Variants in CD300LG observed in about 807,000 individuals in gnomAD.
CD300LG encodes CD300 molecule like family member g.
In CD300LG, 29 loss-of-function variants were observed where a neutral mutation model predicts 31.5. The ratio of observed to expected loss-of-function variants is 0.92; its 90% confidence interval spans 0.68 to 1.25. The LOEUF is 1.25. Among genes scored for constraint, CD300LG ranks in the 50% most tolerant of loss-of-function variants. The pLI, the probability that CD300LG is intolerant of heterozygous loss-of-function variation, is 0.00. For synonymous variants in CD300LG, 175 were observed against 177.2 expected (o/e 0.99, Z 0.10); for missense variants, 396 against 417.6 (o/e 0.95, Z 0.45).
rs1373386414 is a variant in CD300LG, at chr17:43,849,290, C to A, written c.379+397C>A. 2.1e-5 allele frequency: 7 copies of A among 326,502 alleles called. No homozygotes were observed. In the South Asian group the frequency reaches 2.8e-4, roughly 13 times the overall value. The allele number at this position is 326,502 out of a possible 1,614,324, so 20.2% of individuals were successfully genotyped here. ...TGAGGCCTCCCGAGGCTGGGCCAAC[C>A]ATTGCTGCATTCCAGACCCAGCCCA... On this transcript the variant is annotated intron_variant, in intron 2 of 6. Coordinates refer to ENST00000317310, the MANE Select transcript of CD300LG (RefSeq NM_145273.4).
intron 2 of CD300LG, chr17:43,849,981 G>A (rs1408778106): frequency 6.6e-6 from 1 of 152,104 alleles, no homozygotes; most frequent in East Asian, 1.9e-4. Flanking sequence ...ATTCTTATCA[G>A]TGTTCACATG....
chr17:43,855,155 G>C, intron 4 of CD300LG, 52 bp from the exon 5 acceptor site: 2 of 1,299,028 alleles, frequency 1.5e-6, no homozygotes, highest in Non-Finnish European at 2.1e-6. Context: ...AAAGGACATA[G>C]ACTCTGGCTT....
chr17:43,861,402 C>A, intron 6 of CD300LG: 1 of 532,520 alleles, frequency 1.9e-6, no homozygotes, highest in Non-Finnish European at 2.4e-6. Flanking sequence ...CTTCCCCATT[C>A]ACAGCCATAG....
Position 43,857,685 on chromosome 17 carries a change from TG to T in CD300LG, c.885+530del. On this transcript the variant is annotated intron_variant, in intron 6 of 6. Transcript: ENST00000317310. The stretch of plus-strand genomic sequence containing the variant: ...AGTGTGCTTTTACAAAAGATGAGAC[TG>T]AGGCCCAGAGAGGGTAAAGGTCTTG... 3.1e-6 allele frequency: 4 copies of T among 1,283,806 alleles called. No homozygotes were observed. In the East Asian group the frequency reaches 7.6e-5, roughly 24 times the overall value. 79.5% of individuals were successfully genotyped at this position (1,283,806 alleles called of 1,614,324 possible).
chr17:43,861,910 A>T lies in CD300LG; in HGVS notation c.998A>T (p.Ter333LeuextTer11), dbSNP rs151016843. Residue 333 changes from the stop codon to leucine (L), a stop_lost, in exon 7 of 7, where the codon TAG becomes TTG. Transcript: ENST00000317310. ...ELGFSKFVSA[*>L] Reference sequence around the variant, plus strand: ...GGCTTCTCGAAGTTTGTCTCAGCGTAGGGCAGGAGGCCCTCCTGGCCAGGC... The same window carrying T: ...GGCTTCTCGAAGTTTGTCTCAGCGTTGGGCAGGAGGCCCTCCTGGCCAGGC... 6.2e-7 allele frequency: 1 copy of T among 1,604,128 alleles called. No individual in the cohort carries two copies. The highest frequency in any genetic ancestry group is 8.5e-7 in the Non-Finnish European group (1 of 1,175,586).
At chr17:43,849,223 A>AGG (rs2046279319) in intron 2 of CD300LG, 1 of 473,858 alleles carries the variant, frequency 2.1e-6, no homozygotes, top group African/African-American at 1.9e-5. Context: ...TAGACATATC[A>AGG]GGGGATAAAG....
intron 5 of CD300LG, 61 bp from the exon 6 acceptor site, chr17:43,857,043 C>G: frequency 2.6e-6 from 4 of 1,565,304 alleles, no homozygotes; most frequent in Non-Finnish European, 3.5e-6. Flanking sequence ...CTGGGAGCAG[C>G]TACAGGCCAC....
intron 6 of CD300LG, among the ~76,000 whole-genome samples, chr17:43,858,948 C>T (rs182727569): frequency 2.2e-4 from 34 of 152,264 alleles, no homozygotes; most frequent in African/African-American, 7.5e-4. Context: ...GTGTCAGGGG[C>T]TTTATATATG....
chr17:43,854,043 A>T lies in CD300LG; in HGVS notation c.718A>T (p.Arg240Trp), dbSNP rs1598396294. ...TCTCAGCAGTGGCAGCTCTAAGCCC[A>T]GGTGAGCCCCAGGTGACCAACATCC... ...PALSSGSSKP[R>W]VSIPMVRILA... Residue 240 changes from arginine (R) to tryptophan (W), a missense_variant and splice_region_variant, in exon 4 of 7, where the codon AGG becomes TGG. Physicochemically the swap from Arg to Trp is moderately radical, Grantham distance 101 (BLOSUM62 -3). Transcript: ENST00000317310. The T allele has an allele frequency of 6.2e-7, 1 of 1,611,402 alleles. No individual in the cohort carries two copies. The highest frequency in any genetic ancestry group is 1.3e-5 in the African/African-American group (1 of 74,870).
intron 2 of CD300LG, among the ~76,000 whole-genome samples, chr17:43,850,963 C>T (rs930991120): frequency 7.3e-5 from 11 of 151,486 alleles, no homozygotes; most frequent in Admixed American, 5.3e-4. Context: ...GGTGAAACCC[C>T]GTCTCTACTA....
At chr17:43,861,046 G>A (rs1031024709) in intron 6 of CD300LG, 63 of 954,284 alleles carry the variant, frequency 6.6e-5, no homozygotes, top group Non-Finnish European at 7.4e-5. Context: ...CCCCTCCCAC[G>A]TTTCCCTCAT....
At position 43,862,057 on chromosome 17, in the gene CD300LG, G is replaced by A; in HGVS notation, c.*146G>A. ...CCCACCCTCCCCAGGCTCTCCTCTTGCATGTTCCAGCCTGACCTAGAAGCG... is the reference window on the plus strand; with the variant it reads ...CCCACCCTCCCCAGGCTCTCCTCTTACATGTTCCAGCCTGACCTAGAAGCG... On this transcript the variant is annotated 3_prime_UTR_variant, in exon 7 of 7. Transcript: ENST00000317310. 1.8e-6 allele frequency: 1 copy of A among 554,842 alleles called. No individual in the cohort carries two copies. Among genetic ancestry groups the A allele is most frequent in the Non-Finnish European group, 3.1e-6 (1 of 319,980 alleles). 34.4% of individuals were successfully genotyped at this position (554,842 alleles called of 1,614,324 possible). A position where few individuals can be genotyped will look rare whatever the true frequency, so the allele number is the denominator to read the frequency against.
intron 6 of CD300LG, chr17:43,857,781 T>A: frequency 6.5e-7 from 1 of 1,537,278 alleles, no homozygotes; most frequent in Non-Finnish European, 8.7e-7. Context: ...CCTGCTCTTC[T>A]CTTTCCAGAA....
At chr17:43,857,189 A>G (rs1205073911) in intron 6 of CD300LG, 33 bp downstream of exon 6, 1 of 1,610,552 alleles carries the variant, frequency 6.2e-7, no homozygotes, top group African/African-American at 1.3e-5. Context: ...GCCCAAGCTC[A>G]GATCCCCTTG....
chr17:43,849,483 G>GGGGGCC, intron 2 of CD300LG: 1 of 155,268 alleles, frequency 6.4e-6, no homozygotes, highest in Non-Finnish European at 1.4e-5. Context: ...AGGGACACTA[G>GGGGGCC]GGGGCCGGGG....
At chr17:43,852,702 G>A (rs776122231) in intron 2 of CD300LG, among the ~76,000 whole-genome samples, 15 of 152,236 alleles carry the variant, frequency 9.9e-5, no homozygotes, top group Non-Finnish European at 2.1e-4. Flanking sequence ...TGGGTTTGAG[G>A]CTCTGAGCTA....
chr17:43,848,577 C>T lies in CD300LG; in HGVS notation c.63C>T (p.Gly21=), dbSNP rs1472822991. The T allele has an allele frequency of 1.4e-5, 23 of 1,613,964 alleles. No homozygotes were observed. Among genetic ancestry groups the T allele is most frequent in the South Asian group, 4.4e-5 (4 of 91,058 alleles). ...LLLPGYEALE[G]PEEISGFEGD... ...TTTTAGGTTATGAAGCCCTGGAGGG[C>T]CCAGAGGAAATCAGCGGGTTCGAAG... The change falls in exon 2 of 7, where the codon GGC becomes GGT. Residue 21 remains glycine (G), a synonymous_variant. Coordinates refer to ENST00000317310, the MANE Select transcript of CD300LG (RefSeq NM_145273.4).
chr17:43,852,820 TG>T (rs1205824361), intron 2 of CD300LG, 91 bp from the exon 3 acceptor site: 10 of 1,002,096 alleles, frequency 1.0e-5, no homozygotes, highest in South Asian at 3.1e-5. Flanking sequence ...TGTGCTGAGG[TG>T]GGGGGTAGGA....
chr17:43,853,767 G>T (rs779563629), intron 3 of CD300LG, 40 bp from the exon 4 acceptor site: 1 of 1,530,526 alleles, frequency 6.5e-7, no homozygotes, highest in South Asian at 1.2e-5. Context: ...GGGATGCAAG[G>T]GTCAGGAAGG....
Sources: gnomAD v4.1 joint callset for allele counts (sites outside exome capture counted in the v4.1 genomes callset) on GRCh38, gnomAD v4.1.1 for gene constraint, MANE v1.5 for transcripts, NCBI Gene and HGNC (gene_info 2026-07-23, HGNC 2026-07-21) for gene names.